The following DNAJA1 variants were observed in gnomAD, a reference collection of about 807,000 sequenced individuals.
The protein encoded by DNAJA1 is DnaJ heat shock protein family (Hsp40) member A1, also known as dnaJ homolog subfamily A member 1.
DNAJA1 carries 26 observed loss-of-function variants against 47.6 expected under a neutral mutation model. The observed-to-expected ratio is 0.55, with a 90% CI of 0.40 to 0.76. The LOEUF (loss-of-function observed/expected upper bound fraction) is 0.76. DNAJA1 is among the 30% of genes least tolerant of loss of function. The pLI is 0.00. For synonymous variants in DNAJA1, 165 were observed against 158.4 expected (o/e 1.04, Z -0.31); for missense variants, 315 against 485.0 (o/e 0.65, Z 3.29).
In DNAJA1 at chr9:33,039,548, C is replaced by CATATATATATATATATATATATATAT. The variant is rs1165577892; in HGVS notation, c.*658_*659insTATATATATATATATATATATATATA. 1 of 116,790 alleles carries CATATATATATATATATATATATATAT rather than the reference C, an allele frequency of 8.6e-6. No individual in the cohort carries two copies. The highest frequency in any genetic ancestry group is 2.0e-5 in the Non-Finnish European group (1 of 50,684). 7.2% of individuals were successfully genotyped at this position (116,790 alleles called of 1,614,324 possible). A position where few individuals can be genotyped will look rare whatever the true frequency, so the allele number is the denominator to read the frequency against. ...CTGCTGTGCCATTCATATATATATA[C>CATATATATATATATATATATATATAT]ATATATATATATAATCTTGACCAGT... On this transcript the variant is annotated 3_prime_UTR_variant, in exon 9 of 9. Transcript: ENST00000330899.
chr9:33,038,598 ATGTGTTTTTC>A, intron 8 of DNAJA1, 77 bp from the exon 9 acceptor site: 1 of 1,223,416 alleles, frequency 8.2e-7, no homozygotes. Context: ...ACGTGTTTAC[ATGTGTTTTTC>A]TGGGGAAAAT....
Position 33,029,939 on chromosome 9 carries a change from C to G in DNAJA1, c.365C>G (p.Ala122Gly). ...ACCCTAGAAGACTTATATAATGGTG[C>G]AACAAGAAAACTGGCTCTGCAAAAG... ...SVTLEDLYNG[A>G]TRKLALQKNV... Residue 122 changes from alanine to glycine, a missense_variant, in exon 4 of 9, where the codon GCA (alanine) becomes GGA (glycine). Around this residue, in one of 4 missense-constraint regions of DNAJA1, gnomAD observed 100 missense variants for 163.0 expected, o/e 0.61. Coordinates refer to ENST00000330899, the MANE Select transcript of DNAJA1 (RefSeq NM_001539.4). 1 of 1,613,274 alleles carries G rather than the reference C, an allele frequency of 6.2e-7. No homozygotes were observed. The highest frequency in any genetic ancestry group is 1.7e-5 in the Admixed American group (1 of 59,878).
chr9:33,033,414 C>G (rs1014118703), intron 5 of DNAJA1, among the ~76,000 whole-genome samples: 2 of 151,924 alleles, frequency 1.3e-5, no homozygotes, highest in African/African-American at 4.8e-5. Context: ...CTTTAAAATA[C>G]GGATTTTCAG....
At chr9:33,029,117 C>T (rs1365426394) in intron 3 of DNAJA1, among the ~76,000 whole-genome samples, 1 of 152,156 alleles carries the variant, frequency 6.6e-6, no homozygotes, top group Non-Finnish European at 1.5e-5. Flanking sequence ...CCTTAGTAGC[C>T]ACTGGCCATG....
chr9:33,034,966 G>A (rs1222836928), intron 6 of DNAJA1, among the ~76,000 whole-genome samples: 1 of 151,428 alleles, frequency 6.6e-6, no homozygotes, highest in Non-Finnish European at 1.5e-5. Context: ...GCAGAAGAGT[G>A]GCTTGAACTC....
At chr9:33,037,308 TTAAAAAAACA>T in intron 8 of DNAJA1, 193 bp downstream of exon 8, 2 of 364,066 alleles carry the variant, frequency 5.5e-6, no homozygotes, top group South Asian at 6.5e-5. Context: ...CCCTGTCTCT[TTAAAAAAACA>T]AAAAAAAAAA....
At chr9:33,031,750 G>A (rs1354745631) in intron 5 of DNAJA1, among the ~76,000 whole-genome samples, 2 of 152,102 alleles carry the variant, frequency 1.3e-5, no homozygotes, top group African/African-American at 2.4e-5. Flanking sequence ...TTAAATAAGC[G>A]TATTGGCCCA....
At chr9:33,029,770 T>A (rs1367299992) in intron 3 of DNAJA1, 115 bp from the exon 4 acceptor site, 6 of 735,872 alleles carry the variant, frequency 8.2e-6, no homozygotes, top group Non-Finnish European at 1.3e-5. Flanking sequence ...AGTCAACAGA[T>A]GTACCCTGTG....
chr9:33,037,040 C>T lies in DNAJA1; in HGVS notation c.900C>T (p.Ile300=). 6.2e-7 allele frequency: 1 copy of T among 1,612,302 alleles called. No homozygotes were observed. The highest frequency in any genetic ancestry group is 8.5e-7 in the Non-Finnish European group (1 of 1,179,624). The change falls in exon 8 of 9, where the codon ATC becomes ATT. Residue 300 remains isoleucine (I), a synonymous_variant. Coordinates refer to ENST00000330899, the MANE Select transcript of DNAJA1 (RefSeq NM_001539.4). ...HPGQIVKHGD[I]KCVLNEGMPI... Reference sequence around the variant, plus strand: ...GTCAGATTGTCAAGCATGGAGATATCAAGTGTGTACTAAATGAAGGCATGC... The same window carrying T: ...GTCAGATTGTCAAGCATGGAGATATTAAGTGTGTACTAAATGAAGGCATGC...
chr9:33,038,863 A>T lies in DNAJA1; in HGVS notation c.1154A>T (p.Glu385Val). 1 of 1,613,814 alleles carries T rather than the reference A, an allele frequency of 6.2e-7. No individual in the cohort carries two copies. The highest frequency in any genetic ancestry group is 8.5e-7 in the Non-Finnish European group (1 of 1,179,934). Residue 385 changes from glutamate to valine, a missense_variant, in exon 9 of 9, where the codon GAA becomes GTA. Physicochemically the swap from Glu to Val is moderately radical, Grantham distance 121. This residue lies in a region of DNAJA1 where 162 missense variants were observed against 185.4 expected (regional missense o/e 0.87). Transcript: ENST00000330899. ...AATGGAGAAGCATATGAGGATGATG[A>T]ACATCATCCCAGAGGTGGTGTTCAG... ...HYNGEAYEDD[E>V]HHPRGGVQCQ...
chr9:33,037,039 T>G lies in DNAJA1; in HGVS notation c.899T>G (p.Ile300Ser), dbSNP rs746382054. 4.3e-6 allele frequency: 7 copies of G among 1,612,266 alleles called. No individual in the cohort carries two copies. Among genetic ancestry groups the G allele is most frequent in the Non-Finnish European group, 5.9e-6 (7 of 1,179,652 alleles). ...HPGQIVKHGDIKCVLNEGMPI... is the reference protein window; with the variant it reads ...HPGQIVKHGDSKCVLNEGMPI... ...GGTCAGATTGTCAAGCATGGAGATA[T>G]CAAGTGTGTACTAAATGAAGGCATG... The change falls in exon 8 of 9, where the codon ATC becomes AGC. Residue 300 changes from isoleucine to serine, a missense_variant. Physicochemically the swap from Ile to Ser is moderately radical, Grantham distance 142. Around this residue, in one of 4 missense-constraint regions of DNAJA1, gnomAD observed 162 missense variants for 185.4 expected, o/e 0.87. Transcript: ENST00000330899.
intron 6 of DNAJA1, among the ~76,000 whole-genome samples, chr9:33,035,869 A>G (rs1442564547): frequency 6.6e-6 from 1 of 152,370 alleles, no homozygotes; most frequent in East Asian, 1.9e-4. Context: ...GTTCACTCAC[A>G]ATATGCCAGG....
intron 1 of DNAJA1, 132 bp from the exon 2 acceptor site, chr9:33,026,343 C>G (rs41274005): frequency 1.4e-5 from 12 of 878,518 alleles, no homozygotes; most frequent in Non-Finnish European, 1.8e-5. Context: ...GAATTGTTAC[C>G]TTTTTGGTGA....
Position 33,030,565 on chromosome 9 carries a change from C to G in DNAJA1, c.541C>G (p.Gln181Glu). Residue 181 changes from glutamine to glutamate, a missense_variant, in exon 5 of 9, where the codon CAG (glutamine) becomes GAG (glutamate). By Grantham distance (29) the Gln-to-Glu change is conservative. Transcript: ENST00000330899. ...QQIQSVCMEC[Q>E]GHGERISPKD... ...AATTCAGTCTGTGTGCATGGAGTGC[C>G]AGGGCCATGGGGAGCGGATCAGTCC... 1 of 1,614,092 alleles carries G rather than the reference C, an allele frequency of 6.2e-7. No individual in the cohort carries two copies. Among genetic ancestry groups the G allele is most frequent in the Non-Finnish European group, 8.5e-7 (1 of 1,180,014 alleles).
rs765998531 is a variant in DNAJA1, at chr9:33,036,641, C to T, written c.826C>T (p.Pro276Ser). 97 of 1,613,908 alleles carry T rather than the reference C, an allele frequency of 6.0e-5. No homozygotes were observed. Among genetic ancestry groups the T allele is most frequent in the Non-Finnish European group, 7.8e-5 (92 of 1,179,954 alleles). Residue 276 changes from proline to serine, a missense_variant, in exon 7 of 9, where the codon CCA becomes TCA. Transcript: ENST00000330899. ...TGAAGCACTGTGTGGCTTCCAGAAG[C>T]CAATATCTACTCTTGACAACCGAAC... is the stretch of plus-strand genomic sequence containing the variant. Reference protein sequence around the residue: ...LVEALCGFQKPISTLDNRTIV... With the variant: ...LVEALCGFQKSISTLDNRTIV...
intron 5 of DNAJA1, among the ~76,000 whole-genome samples, chr9:33,031,451 A>G (rs1470775187): frequency 6.6e-6 from 1 of 151,636 alleles, no homozygotes; most frequent in Non-Finnish European, 1.5e-5. Context: ...TTTTTTTCTG[A>G]GGTAGAGTCT....
At chr9:33,036,934 G>A in intron 7 of DNAJA1, 81 bp from the exon 8 acceptor site, 2 of 1,275,998 alleles carry the variant, frequency 1.6e-6, no homozygotes, top group Non-Finnish European at 2.2e-6. Flanking sequence ...AATGAGCTAG[G>A]ACAGTGCTCT....
At position 33,025,699 on chromosome 9, in the gene DNAJA1, G is replaced by C. The variant is rs976771778; in HGVS notation, c.-11+316G>C. Among the ~76,000 whole-genome samples the C allele has an allele frequency of 1.9e-4, 8 of 42,302 alleles. No individual in the cohort carries two copies. The South Asian group carries it at 2.1e-3, about 11-fold the overall frequency. 27.8% of individuals were successfully genotyped at this position (42,302 alleles called of 152,430 possible). A position where few individuals can be genotyped will look rare whatever the true frequency, so the allele number is the denominator to read the frequency against. On this transcript the variant is annotated intron_variant, in intron 1 of 8. Transcript: ENST00000330899. ...CTCCCCGTCCGTGCTCGCTCGGGGT[G>C]GGGGGGGGGAGTGGGGTTGGCGACC... is the stretch of plus-strand genomic sequence containing the variant.
intron 3 of DNAJA1, among the ~76,000 whole-genome samples, chr9:33,029,025 T>C (rs771311437): frequency 1.3e-5 from 2 of 152,198 alleles, no homozygotes; most frequent in Admixed American, 6.5e-5. Flanking sequence ...TACTAGCAGG[T>C]GACTTCATAC....
Sources: allele counts gnomAD v4.1 joint callset (sites outside exome capture counted in the v4.1 genomes callset), GRCh38; gene constraint gnomAD v4.1.1; regional missense constraint gnomAD v4.1.1; transcripts MANE v1.5; gene names NCBI Gene and HGNC (gene_info 2026-07-23, HGNC 2026-07-21).